The following MYO1E variants were observed in gnomAD, a reference collection of about 807,000 sequenced individuals.
The protein encoded by MYO1E is myosin IE.
In MYO1E, 68 loss-of-function variants were observed where a neutral mutation model predicts 151.1. The ratio of observed to expected loss-of-function variants is 0.45; its 90% CI spans 0.37 to 0.55. MYO1E has a LOEUF of 0.55. Among genes scored for constraint, MYO1E ranks in the 20% least tolerant of loss-of-function variants. The pLI, the probability that MYO1E is intolerant of heterozygous loss-of-function variation, is 0.00. For missense variants in MYO1E, 1,363 were observed against 1,389.3 expected (o/e 0.98, Z 0.30); for synonymous variants, 601 against 501.7 (o/e 1.20, Z -2.64).
At chr15:59,188,271 G>A in intron 17 of MYO1E, 55 bp from the exon 18 acceptor site, 2 of 1,429,372 alleles carry the variant, frequency 1.4e-6, no homozygotes, top group Non-Finnish European at 2.0e-6. Flanking sequence ...TTTCACTCGT[G>A]TTCTTACCAG....
chr15:59,245,964 A>G (rs1162866061), intron 4 of MYO1E, among the ~76,000 whole-genome samples: 1 of 152,248 alleles, frequency 6.6e-6, no homozygotes, highest in African/African-American at 2.4e-5. Flanking sequence ...AAGGTATCAC[A>G]TATGTGGTTT....
chr15:59,331,187 T>G (rs1172254783), intron 1 of MYO1E, among the ~76,000 whole-genome samples: 1 of 152,230 alleles, frequency 6.6e-6, no homozygotes, highest in Non-Finnish European at 1.5e-5. Flanking sequence ...AAATATTTAC[T>G]ATCTAGCCTT....
At chr15:59,347,202 A>C (rs1212896074) in intron 1 of MYO1E, among the ~76,000 whole-genome samples, 1 of 147,504 alleles carries the variant, frequency 6.8e-6, no homozygotes, top group African/African-American at 2.7e-5. Flanking sequence ...TGTAAGATCA[A>C]AGCAGCACTA....
chr15:59,195,815 G>C, intron 16 of MYO1E, among the ~76,000 whole-genome samples: 1 of 152,106 alleles, frequency 6.6e-6, no homozygotes, highest in East Asian at 1.9e-4. Context: ...TTTCAGTACA[G>C]TTAATAAAAT....
intron 16 of MYO1E, among the ~76,000 whole-genome samples, chr15:59,199,731 CTTG>C (rs2079789430): frequency 6.6e-6 from 1 of 152,014 alleles, no homozygotes; most frequent in Non-Finnish European, 1.5e-5. Flanking sequence ...CTACGATGAC[CTTG>C]AACACAAGTT....
In MYO1E at chr15:59,197,416, G is replaced by A. The variant is rs117614477; in HGVS notation, c.1699-1849C>T. 4.5e-3 allele frequency among the ~76,000 whole-genome samples: 691 copies of A among 152,302 alleles called. 2 individuals carry two copies. The highest frequency in any genetic ancestry group is 7.8e-3 in the Non-Finnish European group (534 of 68,026). ...AGGCAAGTGTAACTTAAGTTTATAA[G>A]TCACTTGCCATAGTCCTCTCCAGCT... On this transcript the variant is annotated intron_variant, in intron 16 of 27. Coordinates refer to ENST00000288235, the MANE Select transcript of MYO1E (RefSeq NM_004998.4).
chr15:59,180,368 G>A (rs1186788704), intron 18 of MYO1E, among the ~76,000 whole-genome samples: 1 of 152,108 alleles, frequency 6.6e-6, no homozygotes, highest in Admixed American at 6.5e-5. Context: ...GTTCATGGAG[G>A]GTAGAAGTGA....
intron 1 of MYO1E, among the ~76,000 whole-genome samples, chr15:59,275,605 T>C (rs1169168442): frequency 6.6e-6 from 1 of 152,124 alleles, no homozygotes; most frequent in Non-Finnish European, 1.5e-5. Flanking sequence ...CACTCCTCAC[T>C]ATGCATTTAT....
chr15:59,223,245 A>C, intron 8 of MYO1E, 54 bp from the exon 9 acceptor site: 1 of 1,612,180 alleles, frequency 6.2e-7, no homozygotes, highest in African/African-American at 1.3e-5. Context: ...CTTTAAAAGC[A>C]CCTTAGGAAG....
intron 26 of MYO1E, among the ~76,000 whole-genome samples, chr15:59,146,905 A>G (rs1156583022): frequency 6.6e-6 from 1 of 152,190 alleles, no homozygotes; most frequent in Admixed American, 6.5e-5. Flanking sequence ...TAAATGCACG[A>G]AAAAGCTGAC....
At chr15:59,236,704 G>A in intron 4 of MYO1E, 32 bp from the exon 5 acceptor site, 2 of 1,531,496 alleles carry the variant, frequency 1.3e-6, no homozygotes, top group East Asian at 2.3e-5. Flanking sequence ...ATCCACCTGA[G>A]AAGTGGATTG....
intron 5 of MYO1E, 125 bp downstream of exon 5, chr15:59,236,460 C>T (rs1359792272): frequency 2.9e-6 from 2 of 689,104 alleles, no homozygotes; most frequent in Non-Finnish European, 5.0e-6. Flanking sequence ...TTCCAGATTT[C>T]AAGTTTCACA....
At chr15:59,361,659 T>C (rs1445841546) in intron 1 of MYO1E, among the ~76,000 whole-genome samples, 2 of 152,116 alleles carry the variant, frequency 1.3e-5, no homozygotes, top group East Asian at 1.9e-4. Context: ...CAAAGAAATA[T>C]ATATGTACAA....
intron 22 of MYO1E, 30 bp from the exon 23 acceptor site, chr15:59,163,333 T>A (rs72746816): frequency 6.2e-7 from 1 of 1,607,060 alleles, no homozygotes; most frequent in Non-Finnish European, 8.5e-7. Context: ...ACACACTTGG[T>A]GAAAGCTGTG....
At chr15:59,298,925 T>C (rs771847506) in intron 1 of MYO1E, among the ~76,000 whole-genome samples, 1 of 152,220 alleles carries the variant, frequency 6.6e-6, no homozygotes, top group African/African-American at 2.4e-5. Context: ...CTAAAAATTA[T>C]TGTGTGGAAA....
intron 1 of MYO1E, among the ~76,000 whole-genome samples, chr15:59,312,667 G>C (rs1304363121): frequency 6.6e-6 from 1 of 151,996 alleles, no homozygotes; most frequent in Non-Finnish European, 1.5e-5. Flanking sequence ...GATCATGCTA[G>C]TTCACAAAAT....
rs865930594 is a variant in MYO1E, at chr15:59,179,160, C to T, written c.1905-623G>A. On this transcript the variant is annotated intron_variant, in intron 18 of 27. Transcript: ENST00000288235. ...TCGGCGCCTCTGCCCCTGCTCTCCCCTCTACTGGTGTGCTGCTCCCCAAAC... is the reference window on the plus strand; with the variant it reads ...TCGGCGCCTCTGCCCCTGCTCTCCCTTCTACTGGTGTGCTGCTCCCCAAAC... Among the ~76,000 whole-genome samples, 13 of 152,256 alleles carry T rather than the reference C, an allele frequency of 8.5e-5. No homozygotes were observed. In the Middle Eastern group the frequency reaches 0.01, roughly 120 times the overall value.
chr15:59,165,374 G>A (rs1301895435), intron 22 of MYO1E, among the ~76,000 whole-genome samples: 6 of 152,188 alleles, frequency 3.9e-5, no homozygotes, highest in Admixed American at 1.3e-4. Context: ...TCCCTTGGAC[G>A]TAAAGTCAGA....
At chr15:59,185,685 G>A (rs1179924735) in intron 18 of MYO1E, among the ~76,000 whole-genome samples, 1 of 152,178 alleles carries the variant, frequency 6.6e-6, no homozygotes, top group Non-Finnish European at 1.5e-5. Context: ...AGACCAGCCT[G>A]GGCAACCAAG....
Sources: allele counts gnomAD v4.1 joint callset (sites outside exome capture counted in the v4.1 genomes callset), GRCh38; gene constraint gnomAD v4.1.1; transcripts MANE v1.5; gene names NCBI Gene and HGNC (gene_info 2026-07-23, HGNC 2026-07-21).